Variants in ANO5 observed in about 807,000 individuals in gnomAD.
The protein encoded by ANO5 is anoctamin 5.
ANO5 carries 109 observed loss-of-function variants against 121.0 expected under a neutral mutation model. The ratio of observed to expected loss-of-function variants is 0.90; its 90% confidence interval spans 0.77 to 1.06. The LOEUF (loss-of-function observed/expected upper bound fraction) is 1.06, where lower values mean the gene tolerates loss of function less well. Among genes scored for constraint, ANO5 ranks in the 50% least tolerant of loss-of-function variants. ANO5 has a pLI of 0.00. For synonymous variants in ANO5, 406 were observed against 359.9 expected, an observed-to-expected ratio of 1.13 and a Z score of -1.45; for missense variants, 1,064 against 1,078.5, an observed-to-expected ratio of 0.99 and a Z score of 0.19.
chr11:22,263,019 G>A lies in ANO5; in HGVS notation c.1874G>A (p.Gly625Glu). 6.2e-7 allele frequency: 1 copy of A among 1,613,022 alleles called. No homozygotes were observed. Among genetic ancestry groups the A allele is most frequent in the Non-Finnish European group, 8.5e-7 (1 of 1,179,288 alleles). ...ATAATGACCGGGAAACAGATTTTTG[G>A]AAACATTAAAGAAGCCATTTATCCG... Reference protein sequence around the residue: ...TIIMTGKQIFGNIKEAIYPLA... With the variant: ...TIIMTGKQIFENIKEAIYPLA... Residue 625 changes from glycine to glutamate, a missense_variant, in exon 17 of 22, where the codon GGA becomes GAA. Transcript: ENST00000324559.
chr11:22,255,028 A>G (rs1271273887), intron 12 of ANO5, among the ~76,000 whole-genome samples: 1 of 152,172 alleles, frequency 6.6e-6, no homozygotes, highest in Non-Finnish European at 1.5e-5. Flanking sequence ...AAAAGATAAA[A>G]GATACATGCA....
intron 9 of ANO5, 26 bp from the exon 10 acceptor site, chr11:22,250,211 G>A: frequency 6.5e-7 from 1 of 1,547,622 alleles, no homozygotes; most frequent in South Asian, 1.1e-5. Context: ...TCCATATTCT[G>A]ATTCTGTTTT....
At chr11:22,267,427 C>G (rs1022928931) in intron 17 of ANO5, among the ~76,000 whole-genome samples, 1 of 150,918 alleles carries the variant, frequency 6.6e-6, no homozygotes, top group South Asian at 2.1e-4. Context: ...ATCTACAATA[C>G]TCTTCATCTA....
intron 13 of ANO5, among the ~76,000 whole-genome samples, chr11:22,256,159 T>G (rs1002003087): frequency 1.3e-5 from 2 of 152,152 alleles, no homozygotes; most frequent in Non-Finnish European, 2.9e-5. Context: ...AACTTTTTGG[T>G]ACCTCACTTT....
chr11:22,208,804 G>A (rs907819240), intron 2 of ANO5, among the ~76,000 whole-genome samples: 2 of 151,806 alleles, frequency 1.3e-5, no homozygotes, highest in African/African-American at 4.8e-5. Context: ...TATAGTTATT[G>A]CAAAATAAAA....
chr11:22,273,059 G>A (rs1474949270), intron 19 of ANO5, 70 bp downstream of exon 19: 1 of 1,403,154 alleles, frequency 7.1e-7, no homozygotes, highest in Non-Finnish European at 1.0e-6. Flanking sequence ...TGTGAATGAT[G>A]CTTAATCTTT....
chr11:22,208,030 A>G (rs1590220151), intron 2 of ANO5, among the ~76,000 whole-genome samples: 2 of 152,148 alleles, frequency 1.3e-5, no homozygotes, highest in Non-Finnish European at 1.5e-5. Flanking sequence ...TGACAATACA[A>G]CTTACTAGTT....
chr11:22,254,152 C>T (rs1853915295), intron 12 of ANO5, among the ~76,000 whole-genome samples: 1 of 151,986 alleles, frequency 6.6e-6, no homozygotes, highest in Non-Finnish European at 1.5e-5. Flanking sequence ...AAACAACAGT[C>T]AGATGATAGG....
Position 22,236,185 on chromosome 11 carries a change from G to A in ANO5, c.671G>A (p.Cys224Tyr), listed in dbSNP as rs749915913. ...TAGGTGTACTATATTCTCTCAAGATGTCCTTTTGGCATAGAAGATGGGAAG... is the reference window on the plus strand; with the variant it reads ...TAGGTGTACTATATTCTCTCAAGATATCCTTTTGGCATAGAAGATGGGAAG... Reference protein sequence around the residue: ...NRIVYYILSRCPFGIEDGKKR... With the variant: ...NRIVYYILSRYPFGIEDGKKR... The change falls in exon 8 of 22, where the codon TGT becomes TAT. Residue 224 changes from cysteine (C) to tyrosine (Y), a missense_variant. Coordinates refer to ENST00000324559, the MANE Select transcript of ANO5 (RefSeq NM_213599.3). The A allele has an allele frequency of 6.2e-7, 1 of 1,612,704 alleles. No individual in the cohort carries two copies. The highest frequency in any genetic ancestry group is 1.1e-5 in the South Asian group (1 of 91,042).
rs977056246 is a variant in ANO5, at chr11:22,227,450, G to A, written c.512G>A (p.Gly171Glu). Residue 171 changes from glycine (G) to glutamate (E), a missense_variant, in exon 7 of 22, where the codon GGA becomes GAA. By Grantham distance (98) the Gly-to-Glu change is moderately conservative. Transcript: ENST00000324559. ...CACACTCCTATAAGCTATGTGCTTGGACCTGTAAGACTCCCACTGAGTGTG... is the reference window on the plus strand; with the variant it reads ...CACACTCCTATAAGCTATGTGCTTGAACCTGTAAGACTCCCACTGAGTGTG... ...PKHTPISYVL[G>E]PVRLPLSVKY... is the part of the protein sequence containing the mutation. The A allele has an allele frequency of 3.1e-6, 5 of 1,613,426 alleles. No individual in the cohort carries two copies. The highest frequency in any genetic ancestry group is 1.3e-5 in the African/African-American group (1 of 74,834).
rs1225292096 is a variant in ANO5, at chr11:22,281,489, T to A, written c.*1724T>A. 1 of 149,878 alleles carries A rather than the reference T, an allele frequency of 6.7e-6. No individual in the cohort carries two copies. Among genetic ancestry groups the A allele is most frequent in the African/African-American group, 2.4e-5 (1 of 41,044 alleles). 9.3% of individuals were successfully genotyped at this position (149,878 alleles called of 1,614,324 possible). A position where few individuals can be genotyped will look rare whatever the true frequency, so the allele number is the denominator to read the frequency against. On this transcript the variant is annotated 3_prime_UTR_variant, in exon 22 of 22. Coordinates refer to ENST00000324559, the MANE Select transcript of ANO5 (RefSeq NM_213599.3). ...AATGATCTCATTATTGAAAGATGATTTCATATGTAGAGAAGATAATATTTC... is the reference window on the plus strand; with the variant it reads ...AATGATCTCATTATTGAAAGATGATATCATATGTAGAGAAGATAATATTTC...
chr11:22,232,692 A>AG (rs1853080587), intron 7 of ANO5, among the ~76,000 whole-genome samples: 1 of 151,942 alleles, frequency 6.6e-6, no homozygotes, highest in Non-Finnish European at 1.5e-5. Context: ...ATGTAAGTCA[A>AG]TTTTTTTCTC....
At chr11:22,254,840 C>G (rs73481685) in intron 12 of ANO5, among the ~76,000 whole-genome samples, 2 of 151,910 alleles carry the variant, frequency 1.3e-5, no homozygotes, top group South Asian at 4.2e-4. Flanking sequence ...TCAAGACCAG[C>G]CTGGGTGACA....
intron 1 of ANO5, among the ~76,000 whole-genome samples, chr11:22,198,894 G>C (rs1417747699): frequency 6.6e-6 from 1 of 152,106 alleles, no homozygotes; most frequent in African/African-American, 2.4e-5. Flanking sequence ...CAGATCTAAC[G>C]AGAGATGATC....
chr11:22,209,164 A>G (rs1375331461), intron 2 of ANO5, among the ~76,000 whole-genome samples: 2 of 151,926 alleles, frequency 1.3e-5, no homozygotes, highest in Admixed American at 6.6e-5. Flanking sequence ...GATTGCTTAA[A>G]TATTAAAAAG....
chr11:22,200,387 A>G (rs1294438506), intron 1 of ANO5, among the ~76,000 whole-genome samples: 1 of 152,142 alleles, frequency 6.6e-6, no homozygotes, highest in Non-Finnish European at 1.5e-5. Context: ...TTACCTTGCA[A>G]TGTAAAGTAC....
Position 22,226,026 on chromosome 11 carries a change from C to A in ANO5, c.337C>A (p.Leu113Ile). 6.2e-7 allele frequency: 1 copy of A among 1,608,612 alleles called. No homozygotes were observed. Among genetic ancestry groups the A allele is most frequent in the Non-Finnish European group, 8.5e-7 (1 of 1,175,696 alleles). The change falls in exon 6 of 22, where the codon CTT (leucine) becomes ATT (isoleucine). Residue 113 changes from leucine to isoleucine, a missense_variant. Transcript: ENST00000324559. Reference protein sequence around the residue: ...EFETNLRKTGLELEIEDKRDS... With the variant: ...EFETNLRKTGIELEIEDKRDS... ...TGAAACTAATCTCAGAAAAACAGGT[C>A]TTGAGTTGGAAATAGAAGACAAAAG...
chr11:22,242,736 C>G (rs1853474433), intron 9 of ANO5, among the ~76,000 whole-genome samples: 1 of 151,942 alleles, frequency 6.6e-6, no homozygotes, highest in Non-Finnish European at 1.5e-5. Flanking sequence ...TTGTCCATTG[C>G]TTTTGGGTCC....
At chr11:22,220,149 A>C (rs1852594176) in intron 4 of ANO5, among the ~76,000 whole-genome samples, 1 of 151,992 alleles carries the variant, frequency 6.6e-6, no homozygotes, top group Non-Finnish European at 1.5e-5. Flanking sequence ...AAGGAAACTC[A>C]TGAATTAATA....
Sources: allele counts gnomAD v4.1 joint callset (sites outside exome capture counted in the v4.1 genomes callset), GRCh38; gene constraint gnomAD v4.1.1; transcripts MANE v1.5; gene names NCBI Gene and HGNC (gene_info 2026-07-23, HGNC 2026-07-21).